Variants in ZFHX3 observed in about 807,000 individuals in gnomAD.
ZFHX3 encodes zinc finger homeobox 3, also known as zinc finger homeobox protein 3.
A neutral mutation model predicts 279.1 loss-of-function variants in ZFHX3; 42 were observed. The ratio of observed to expected loss-of-function variants is 0.15; its 90% CI spans 0.12 to 0.19. ZFHX3 has a LOEUF of 0.19. Among genes scored for constraint, ZFHX3 ranks in the 10% least tolerant of loss-of-function variants. The probability of loss-of-function intolerance (pLI) is 1.00; values close to 1 mark genes in which losing one functional copy is unlikely to be tolerated. For missense variants in ZFHX3, 4,981 were observed against 4,754.0 expected, an observed-to-expected ratio of 1.05 and a Z score of -1.40; for synonymous variants, 2,293 against 1,957.8, an observed-to-expected ratio of 1.17 and a Z score of -4.52.
chr16:72,959,783 G>T lies in ZFHX3; in HGVS notation c.363C>A (p.Asp121Glu). The stretch of plus-strand genomic sequence containing the variant: ...CCAGGTTCTCCACGTCACTCTCCTC[G>T]TCCCCCTCCTCACCGGTGTCGCTGG... ...ESASDTGEEG[D>E]EESDVENLAG... The change falls in exon 2 of 10, where the codon GAC (aspartate) becomes GAA (glutamate). Residue 121 changes from aspartate to glutamate, a missense_variant. By Grantham distance (45) the Asp-to-Glu change is conservative. Transcript: ENST00000268489. The T allele has an allele frequency of 6.2e-7, 1 of 1,602,854 alleles. No homozygotes were observed. Among genetic ancestry groups the T allele is most frequent in the Non-Finnish European group, 8.5e-7 (1 of 1,173,088 alleles).
At chr16:73,851,103 T>A (rs1312664291) in intron 1 of ZFHX3, among the ~76,000 whole-genome samples, 1 of 152,198 alleles carries the variant, frequency 6.6e-6, no homozygotes, top group Non-Finnish European at 1.5e-5. Context: ...TAGTCTGTCT[T>A]ACTGCTGTCA....
chr16:72,800,219 C>T (rs1329701500), intron 7 of ZFHX3, 90 bp from the exon 8 acceptor site: 1 of 1,094,076 alleles, frequency 9.1e-7, no homozygotes, highest in East Asian at 2.5e-5. Flanking sequence ...CAAAATTAGC[C>T]TTCACCAGTG....
intron 3 of ZFHX3, among the ~76,000 whole-genome samples, chr16:73,338,887 T>A (rs140068892): frequency 7.2e-5 from 11 of 152,240 alleles, no homozygotes; most frequent in African/African-American, 2.6e-4. Flanking sequence ...GTGGATGAGT[T>A]CTTGCAAGAT....
intron 2 of ZFHX3, among the ~76,000 whole-genome samples, chr16:73,476,165 C>A (rs1224051075): frequency 6.6e-6 from 1 of 152,086 alleles, no homozygotes; most frequent in African/African-American, 2.4e-5. Flanking sequence ...AATATTTTAA[C>A]ATAAAGTTTT....
At chr16:73,507,410 T>G (rs537767915) in intron 2 of ZFHX3, among the ~76,000 whole-genome samples, 2 of 150,626 alleles carry the variant, frequency 1.3e-5, no homozygotes, top group South Asian at 4.2e-4. Context: ...GTACTTTGTG[T>G]CCCTCCCTTG....
In ZFHX3 at chr16:73,475,011, T is replaced by C. The variant is rs537074037; in HGVS notation, c.-1546-18753A>G. 1.2e-3 allele frequency among the ~76,000 whole-genome samples: 178 copies of C among 152,300 alleles called. 1 individual carries two copies. Among genetic ancestry groups the C allele is most frequent in the African/African-American group, 3.9e-3 (163 of 41,566 alleles). On this transcript the variant is annotated intron_variant, in intron 2 of 17. Transcript: ENST00000641206. ...GAGGTCACTGGGCCATTTTCAGGGA[T>C]TCACTACTGTCTCTTGGGATTCCTC...
intron 8 of ZFHX3, among the ~76,000 whole-genome samples, chr16:73,067,034 A>C (rs980475432): frequency 2.6e-5 from 4 of 151,806 alleles, no homozygotes; most frequent in African/African-American, 9.7e-5. Flanking sequence ...AAGAGCTGGG[A>C]GTGGAGAACC....
intron 1 of ZFHX3, among the ~76,000 whole-genome samples, chr16:73,779,987 ATCC>A (rs879440883): frequency 0.031 from 1,639 of 52,274 alleles, 17 homozygotes; most frequent in Middle Eastern, 0.056. Context: ...AAAGCACTGG[ATCC>A]CAAGCCTTTC....
intron 2 of ZFHX3, among the ~76,000 whole-genome samples, chr16:73,491,632 A>T (rs1329433038): frequency 6.6e-6 from 1 of 152,170 alleles, no homozygotes; most frequent in African/African-American, 2.4e-5. Context: ...AGGTGTACAT[A>T]CTATGGATAA....
At chr16:73,224,607 T>C (rs1470418440) in intron 5 of ZFHX3, among the ~76,000 whole-genome samples, 3 of 151,964 alleles carry the variant, frequency 2.0e-5, no homozygotes, top group Non-Finnish European at 4.4e-5. Context: ...GCCAAAAGAG[T>C]CTCATTTATA....
At chr16:73,193,282 C>T (rs1943764084) in intron 5 of ZFHX3, among the ~76,000 whole-genome samples, 1 of 152,218 alleles carries the variant, frequency 6.6e-6, no homozygotes, top group Admixed American at 6.5e-5. Flanking sequence ...GGCACCACCT[C>T]TCTGGGCCTC....
intron 2 of ZFHX3, among the ~76,000 whole-genome samples, chr16:73,630,585 G>T (rs781403781): frequency 6.6e-6 from 1 of 152,044 alleles, no homozygotes; most frequent in Non-Finnish European, 1.5e-5. Flanking sequence ...AGGAATGGAC[G>T]TGCCACCACA....
intron 3 of ZFHX3, among the ~76,000 whole-genome samples, chr16:73,438,519 A>T (rs1457160917): frequency 6.6e-6 from 1 of 152,258 alleles, no homozygotes; most frequent in Non-Finnish European, 1.5e-5. Flanking sequence ...TGTATTTTGA[A>T]CTGTAACGCA....
intron 3 of ZFHX3, chr16:73,401,423 G>A (rs975110342): frequency 2.5e-5 from 2 of 80,676 alleles, no homozygotes; most frequent in Admixed American, 2.4e-4. Flanking sequence ...AAGCCCAGAG[G>A]ACTGTCAGAT....
chr16:73,374,671 T>C lies in ZFHX3; in HGVS notation c.-1290-56335A>G, dbSNP rs958373770. Reference sequence around the variant, plus strand: ...AATGTCCTTACATTGCAATGGTCGATAGGTCTTTTTAAGTCTCTTTAATCA... The same window carrying C: ...AATGTCCTTACATTGCAATGGTCGACAGGTCTTTTTAAGTCTCTTTAATCA... On this transcript the variant is annotated intron_variant, in intron 3 of 17. Transcript: ENST00000641206. 2.6e-5 allele frequency among the ~76,000 whole-genome samples: 4 copies of C among 152,250 alleles called. No homozygotes were observed. In the East Asian group the frequency reaches 5.8e-4, roughly 22 times the overall value.
At chr16:73,396,455 C>T (rs1243167862) in intron 3 of ZFHX3, among the ~76,000 whole-genome samples, 3 of 151,954 alleles carry the variant, frequency 2.0e-5, no homozygotes, top group Non-Finnish European at 4.4e-5. Context: ...TCAACACATA[C>T]TAAGTGTGTT....
intron 2 of ZFHX3, among the ~76,000 whole-genome samples, chr16:73,509,555 C>T (rs1324379420): frequency 1.3e-4 from 16 of 121,522 alleles, no homozygotes; most frequent in Non-Finnish European, 2.5e-4. Context: ...GAGACAATTT[C>T]ACTCTGTCAC....
At chr16:72,939,412 G>C (rs1960299040) in intron 3 of ZFHX3, among the ~76,000 whole-genome samples, 1 of 152,220 alleles carries the variant, frequency 6.6e-6, no homozygotes, top group African/African-American at 2.4e-5. Flanking sequence ...TCTAAAGCTA[G>C]ATGGAGCCAC....
chr16:73,161,763 G>C (rs1967240419), intron 5 of ZFHX3, among the ~76,000 whole-genome samples: 1 of 152,150 alleles, frequency 6.6e-6, no homozygotes, highest in African/African-American at 2.4e-5. Flanking sequence ...ATAAAAATGT[G>C]AGAATCCTTC....
Sources: gnomAD v4.1 joint callset for allele counts (sites outside exome capture counted in the v4.1 genomes callset) on GRCh38, gnomAD v4.1.1 for gene constraint, MANE v1.5 for transcripts, NCBI Gene and HGNC (gene_info 2026-07-23, HGNC 2026-07-21) for gene names.